Variants in RBM19 observed in about 807,000 individuals in gnomAD.
RBM19 encodes RNA binding motif protein 19, also known as probable RNA-binding protein 19.
In RBM19, 94 loss-of-function variants were observed where a neutral mutation model predicts 116.8. The observed-to-expected ratio is 0.80, with a 90% confidence interval of 0.68 to 0.95. The LOEUF (loss-of-function observed/expected upper bound fraction) is 0.95. RBM19 is among the 40% of genes least tolerant of loss of function. The pLI, the probability that RBM19 is intolerant of heterozygous loss-of-function variation, is 0.00. For missense variants in RBM19, 1,161 were observed against 1,220.7 expected, an observed-to-expected ratio of 0.95 and a Z score of 0.73; for synonymous variants, 475 against 494.1, an observed-to-expected ratio of 0.96 and a Z score of 0.51.
intron 21 of RBM19, among the ~76,000 whole-genome samples, chr12:113,893,216 A>G (rs920550684): frequency 6.6e-6 from 1 of 151,962 alleles, no homozygotes; most frequent in Non-Finnish European, 1.5e-5. Context: ...TTTTTTGTAG[A>G]GACACACTGG....
chr12:113,933,248 C>G (rs997396761), intron 16 of RBM19, among the ~76,000 whole-genome samples: 4 of 151,396 alleles, frequency 2.6e-5, no homozygotes, highest in African/African-American at 9.7e-5. Context: ...CTGAGAAAAT[C>G]CAGGGCTTTG....
In RBM19 at chr12:113,913,620, G is replaced by A. The variant is rs559837708; in HGVS notation, c.2558+1349C>T. Among the ~76,000 whole-genome samples, 6 of 152,364 alleles carry A rather than the reference G, an allele frequency of 3.9e-5. No individual in the cohort carries two copies. The South Asian group carries it at 1.2e-3, about 32-fold the overall frequency. Reference sequence around the variant, plus strand: ...ATGACTTCTTATTCTTCAAACTACAGAGTGAGAGCAAAGAAGGTAGATGCC... The same window carrying A: ...ATGACTTCTTATTCTTCAAACTACAAAGTGAGAGCAAAGAAGGTAGATGCC... On this transcript the variant is annotated intron_variant, in intron 21 of 23. Coordinates refer to ENST00000261741, the MANE Select transcript of RBM19 (RefSeq NM_016196.4).
intron 23 of RBM19, among the ~76,000 whole-genome samples, chr12:113,829,884 G>A (rs1875217678): frequency 6.6e-6 from 1 of 152,238 alleles, no homozygotes; most frequent in Non-Finnish European, 1.5e-5. Flanking sequence ...GGGAAATCCA[G>A]CTGCCCAAGA....
chr12:113,948,244 C>T (rs1268649207), intron 10 of RBM19, among the ~76,000 whole-genome samples: 1 of 152,196 alleles, frequency 6.6e-6, no homozygotes, highest in African/African-American at 2.4e-5. Flanking sequence ...TCATCCTGAA[C>T]CCTCCCTTCC....
chr12:113,821,228 G>T (rs1202595823), downstream of RBM19, among the ~76,000 whole-genome samples: 1 of 152,154 alleles, frequency 6.6e-6, no homozygotes. Context: ...GCTCTGGGGG[G>T]AGGTTCTAGA....
At chr12:113,914,638 G>A (rs1297941432) in intron 21 of RBM19, among the ~76,000 whole-genome samples, 1 of 152,222 alleles carries the variant, frequency 6.6e-6, no homozygotes, top group Non-Finnish European at 1.5e-5. Context: ...GAAATTTCAA[G>A]CAGATCATGG....
At chr12:113,934,020 C>T (rs796502170) in intron 16 of RBM19, among the ~76,000 whole-genome samples, 40 of 152,308 alleles carry the variant, frequency 2.6e-4, no homozygotes, top group African/African-American at 6.7e-4. Flanking sequence ...GGTGCAATCT[C>T]GGCTCACTGC....
chr12:113,868,093 C>G (rs1413635977), intron 21 of RBM19, among the ~76,000 whole-genome samples: 1 of 152,206 alleles, frequency 6.6e-6, no homozygotes, highest in Non-Finnish European at 1.5e-5. Context: ...TAAATATAGT[C>G]CATGTATTAC....
chr12:113,851,325 C>T (rs900262112), intron 22 of RBM19, among the ~76,000 whole-genome samples: 2 of 152,174 alleles, frequency 1.3e-5, no homozygotes, highest in Non-Finnish European at 2.9e-5. Context: ...CAGCTCAGTG[C>T]GATTCGGCTC....
intron 21 of RBM19, among the ~76,000 whole-genome samples, chr12:113,902,970 C>G (rs1881799095): frequency 6.6e-6 from 1 of 152,148 alleles, no homozygotes. Context: ...GCTACATTTA[C>G]AGAGCTGTGC....
intron 21 of RBM19, among the ~76,000 whole-genome samples, chr12:113,881,859 T>C (rs1333208583): frequency 6.6e-6 from 1 of 152,246 alleles, no homozygotes; most frequent in Admixed American, 6.5e-5. Flanking sequence ...CCTGGTAGTG[T>C]CTCTTCCGGA....
intron 13 of RBM19, among the ~76,000 whole-genome samples, chr12:113,943,557 C>G (rs993905892): frequency 2.0e-5 from 3 of 152,126 alleles, no homozygotes; most frequent in African/African-American, 7.2e-5. Context: ...CAGTGGCTCA[C>G]GCCCATAATC....
intron 13 of RBM19, among the ~76,000 whole-genome samples, chr12:113,944,365 T>G (rs1870840773): frequency 6.6e-6 from 1 of 151,942 alleles, no homozygotes; most frequent in South Asian, 2.1e-4. Flanking sequence ...TCCAAAGAGC[T>G]CGGTTTATAG....
chr12:113,892,377 C>G (rs1223349416), intron 21 of RBM19, among the ~76,000 whole-genome samples: 1 of 152,162 alleles, frequency 6.6e-6, no homozygotes, highest in Non-Finnish European at 1.5e-5. Flanking sequence ...CAGACAGAAA[C>G]AGGATTGCTA....
chr12:113,867,959 T>C (rs1287557828), intron 21 of RBM19, among the ~76,000 whole-genome samples: 2 of 152,020 alleles, frequency 1.3e-5, no homozygotes, highest in African/African-American at 4.8e-5. Context: ...ATAGGAAATG[T>C]AGAAGGATGA....
chr12:113,858,651 A>G, intron 22 of RBM19, 140 bp downstream of exon 22: 1 of 740,478 alleles, frequency 1.4e-6, no homozygotes, highest in South Asian at 1.7e-5. Context: ...TGTTGTACAC[A>G]TTAAGCAGAA....
intron 21 of RBM19, among the ~76,000 whole-genome samples, chr12:113,913,658 T>C (rs568471366): frequency 3.3e-4 from 51 of 152,332 alleles, no homozygotes; most frequent in South Asian, 6.2e-4. Flanking sequence ...ACAAAGATAA[T>C]TGTTTCTCAT....
rs1242690086 is a variant in RBM19, at chr12:113,952,584, C to A, written c.928G>T (p.Val310Phe). The change falls in exon 8 of 24, where the codon GTT (valine) becomes TTT (phenylalanine). Residue 310 changes from valine to phenylalanine, a missense_variant. By Grantham distance (50) the Val-to-Phe change is conservative. Transcript: ENST00000261741. Reference sequence around the variant, plus strand: ...TTCAGGGGTGCCAGGAATTCCATAACATTTTTCTGTGAGAAGAAGTTTTTT... The same window carrying A: ...TTCAGGGGTGCCAGGAATTCCATAAAATTTTTCTGTGAGAAGAAGTTTTTT... ...GAPFNVTEKN[V>F]MEFLAPLKPV... The A allele has an allele frequency of 1.2e-6, 2 of 1,613,898 alleles. No individual in the cohort carries two copies. The highest frequency in any genetic ancestry group is 1.7e-5 in the Admixed American group (1 of 60,000).
intron 21 of RBM19, among the ~76,000 whole-genome samples, chr12:113,861,287 G>A (rs1284631849): frequency 6.6e-6 from 1 of 152,198 alleles, no homozygotes; most frequent in African/African-American, 2.4e-5. Context: ...GGCTAGGAAT[G>A]CCCTGTGTGG....
Sources: allele counts gnomAD v4.1 joint callset (sites outside exome capture counted in the v4.1 genomes callset), GRCh38; gene constraint gnomAD v4.1.1; transcripts MANE v1.5; gene names NCBI Gene and HGNC (gene_info 2026-07-23, HGNC 2026-07-21).